SPATA22: variants seen among roughly 807,000 people sequenced by gnomAD.
SPATA22 encodes the protein spermatogenesis associated 22.
Under a neutral mutation model 47.8 loss-of-function variants are expected in SPATA22, and 29 were observed. That is an observed-to-expected ratio of 0.61 (90% CI 0.45 to 0.83). The LOEUF is 0.83. Ranked by LOEUF, SPATA22 falls within the 40% of genes least tolerant of loss-of-function variation. The pLI, the probability that SPATA22 is intolerant of heterozygous loss-of-function variation, is 0.00. For synonymous variants in SPATA22, 133 were observed against 140.9 expected (o/e 0.94, Z 0.40); for missense variants, 410 against 421.7 (o/e 0.97, Z 0.24).
rs1451280364 is a variant in SPATA22, at chr17:3,440,219, T to G, written c.1020A>C (p.Lys340Asn). Residue 340 changes from lysine to asparagine, a missense_variant, in exon 9 of 9, where the codon AAA becomes AAC. Coordinates refer to ENST00000572969, the MANE Select transcript of SPATA22 (RefSeq NM_001170698.2). ...SVRPASVSEQ[K>N]TFQAFVKIAD... ...CAATTTTGACAAATGCCTGGAAAGT[T>G]TTTTGTTCAGAAACAGACGCCGGTC... 5.6e-6 allele frequency: 9 copies of G among 1,611,024 alleles called. No individual in the cohort carries two copies. Among genetic ancestry groups the G allele is most frequent in the Non-Finnish European group, 7.6e-6 (9 of 1,178,692 alleles).
chr17:3,460,926 C>T (rs573432991), intron 5 of SPATA22, among the ~76,000 whole-genome samples: 7 of 152,122 alleles, frequency 4.6e-5, no homozygotes, highest in African/African-American at 1.7e-4. Context: ...ATTGTAGGGG[C>T]TTTGGCAAAG....
chr17:3,492,779 A>G (rs1268559592), intron 1 of SPATA22, among the ~76,000 whole-genome samples: 1 of 152,184 alleles, frequency 6.6e-6, no homozygotes, highest in Non-Finnish European at 1.5e-5. Context: ...ACATAACAGT[A>G]AGGCCATCCC....
chr17:3,496,312 A>G (rs765851463), intron 1 of SPATA22, among the ~76,000 whole-genome samples: 3 of 152,274 alleles, frequency 2.0e-5, no homozygotes, highest in African/African-American at 7.2e-5. Flanking sequence ...AACAATATGT[A>G]AACCAAATCA....
At chr17:3,452,319 C>T (rs62089863) in intron 5 of SPATA22, among the ~76,000 whole-genome samples, 49,383 of 149,452 alleles carry the variant, frequency 0.33, 10,408 homozygotes, top group Non-Finnish European at 0.48. Context: ...TGGGACCGGG[C>T]GAGGTGGCTC....
At chr17:3,470,623 C>G (rs1188061356) in intron 1 of SPATA22, among the ~76,000 whole-genome samples, 1 of 151,670 alleles carries the variant, frequency 6.6e-6, no homozygotes, top group African/African-American at 2.4e-5. Context: ...TGGTGGCAGG[C>G]ACCTGTGGTC....
intron 1 of SPATA22, chr17:3,511,214 C>T (rs2074108740): frequency 6.6e-6 from 1 of 152,152 alleles, no homozygotes; most frequent in South Asian, 2.1e-4. Flanking sequence ...TGTGGGCACA[C>T]TTGAATTTTC....
At chr17:3,498,631 A>G (rs1344409390) in intron 1 of SPATA22, among the ~76,000 whole-genome samples, 1 of 152,190 alleles carries the variant, frequency 6.6e-6, no homozygotes, top group East Asian at 1.9e-4. Flanking sequence ...ACAGGCAAGG[A>G]GCCACTGCAC....
chr17:3,455,463 A>G (rs369413257), intron 5 of SPATA22, among the ~76,000 whole-genome samples: 5 of 147,804 alleles, frequency 3.4e-5, no homozygotes, highest in East Asian at 2.0e-4. Flanking sequence ...ATCTTGAATT[A>G]ATTTTTGTAT....
At chr17:3,444,960 T>C (rs962795672) in intron 7 of SPATA22, among the ~76,000 whole-genome samples, 1 of 152,108 alleles carries the variant, frequency 6.6e-6, no homozygotes, top group East Asian at 1.9e-4. Context: ...AGAATGTCTA[T>C]TGGTGTTTAT....
chr17:3,507,177 TGGTG>T (rs1246168719), intron 1 of SPATA22, among the ~76,000 whole-genome samples: 1 of 152,142 alleles, frequency 6.6e-6, no homozygotes, highest in Admixed American at 6.5e-5. Context: ...GATATGGAAA[TGGTG>T]GGGTCACAGG....
At chr17:3,462,812 T>A (rs2073158800) in intron 3 of SPATA22, 45 bp from the exon 4 acceptor site, 1 of 1,415,164 alleles carries the variant, frequency 7.1e-7, no homozygotes, top group East Asian at 2.3e-5. Context: ...ATAGGTAGTA[T>A]TTTTCAAAAT....
At chr17:3,486,833 G>T (rs934317811) in intron 1 of SPATA22, among the ~76,000 whole-genome samples, 1 of 152,080 alleles carries the variant, frequency 6.6e-6, no homozygotes, top group African/African-American at 2.4e-5. Flanking sequence ...ATCTTTGGTG[G>T]CCCTATTGTC....
chr17:3,460,630 A>G (rs1187517103), intron 5 of SPATA22, among the ~76,000 whole-genome samples: 1 of 151,636 alleles, frequency 6.6e-6, no homozygotes, highest in Non-Finnish European at 1.5e-5. Context: ...CTCTACTAAA[A>G]ATGTAAAAAT....
In SPATA22 at chr17:3,469,961, C is replaced by T. The variant is rs188675212; in HGVS notation, c.-73-563G>A. Among the ~76,000 whole-genome samples, 444 of 152,038 alleles carry T rather than the reference C, an allele frequency of 2.9e-3. 2 individuals carry two copies. The highest frequency in any genetic ancestry group is 3.8e-3 in the Non-Finnish European group (257 of 67,978). ...ATACAAAATTAGCCAGGAGTGGTGG[C>T]GGGCGCCTGTAATCCCAGCTACTCG... On this transcript the variant is annotated intron_variant, in intron 1 of 8. Transcript: ENST00000572969.
upstream of SPATA22, among the ~76,000 whole-genome samples, chr17:3,474,679 A>C (rs898889048): frequency 6.6e-5 from 10 of 152,362 alleles, no homozygotes; most frequent in Middle Eastern, 3.4e-3. Flanking sequence ...AAGGAAGAAC[A>C]TTCAGTGGGT....
At chr17:3,484,755 G>C (rs2029352) in intron 1 of SPATA22, among the ~76,000 whole-genome samples, 2 of 151,768 alleles carry the variant, frequency 1.3e-5, no homozygotes, top group South Asian at 4.2e-4. Context: ...TACATATCTC[G>C]CCTGGGACCA....
intron 1 of SPATA22, among the ~76,000 whole-genome samples, chr17:3,504,273 A>G (rs969602796): frequency 6.6e-6 from 1 of 152,090 alleles, no homozygotes; most frequent in African/African-American, 2.4e-5. Context: ...GTCTTTTTCG[A>G]TGTCTACAAT....
chr17:3,465,125 C>A (rs1194542677), intron 3 of SPATA22, among the ~76,000 whole-genome samples: 2 of 128,398 alleles, frequency 1.6e-5, no homozygotes, highest in South Asian at 5.4e-4. Context: ...AGCGTCTCCG[C>A]CCGGCAGCCA....
chr17:3,481,671 C>A (rs1371223004), intron 1 of SPATA22: 1 of 1,613,752 alleles, frequency 6.2e-7, no homozygotes, highest in East Asian at 2.2e-5. Context: ...TTATTTGGTC[C>A]AAAAGACAGT....
Sources: allele counts gnomAD v4.1 joint callset (sites outside exome capture counted in the v4.1 genomes callset), GRCh38; gene constraint gnomAD v4.1.1; transcripts MANE v1.5; gene names NCBI Gene and HGNC (gene_info 2026-07-23, HGNC 2026-07-21).